The following MTBP variants were observed in gnomAD, a reference collection of about 807,000 sequenced individuals.
MTBP encodes the protein MDM2 binding protein.
MTBP carries 101 observed loss-of-function variants against 117.0 expected under a neutral mutation model. The observed-to-expected ratio is 0.86, with a 90% CI of 0.73 to 1.02. The LOEUF (loss-of-function observed/expected upper bound fraction) is 1.02. Ranked by LOEUF, MTBP falls within the 50% of genes least tolerant of loss-of-function variation. MTBP has a pLI of 0.00. For synonymous variants in MTBP, 350 were observed against 351.5 expected, an observed-to-expected ratio of 1.00 and a Z score of 0.05; for missense variants, 970 against 1,030.9, an observed-to-expected ratio of 0.94 and a Z score of 0.81.
intron 17 of MTBP, among the ~76,000 whole-genome samples, chr8:120,512,211 T>C (rs562285971): frequency 6.6e-6 from 1 of 152,290 alleles, no homozygotes; most frequent in East Asian, 1.9e-4. Context: ...TGAGAAAATG[T>C]GCTAGTATTA....
At chr8:120,513,308 A>G (rs894116162) in intron 17 of MTBP, among the ~76,000 whole-genome samples, 3 of 152,064 alleles carry the variant, frequency 2.0e-5, no homozygotes, top group African/African-American at 7.2e-5. Context: ...CTTAGTTACA[A>G]AACAAAAACA....
chr8:120,449,430 ATAAAG>A (rs912800162), intron 2 of MTBP, among the ~76,000 whole-genome samples: 4 of 152,248 alleles, frequency 2.6e-5, no homozygotes, highest in African/African-American at 7.2e-5. Flanking sequence ...AAATGTAAAA[ATAAAG>A]TAAAAATGTT....
intron 12 of MTBP, 104 bp from the exon 13 acceptor site, chr8:120,490,359 A>AT: frequency 3.0e-6 from 2 of 677,046 alleles, no homozygotes. Flanking sequence ...ATTGACTTTT[A>AT]TTTTTTGTTA....
At chr8:120,518,963 C>T (rs1440632228) in intron 20 of MTBP, 146 bp downstream of exon 20, 10 of 548,808 alleles carry the variant, frequency 1.8e-5, no homozygotes, top group Non-Finnish European at 3.2e-5. Context: ...AAAATTGAAG[C>T]CAAAATACTT....
At chr8:120,519,695 A>T (rs1223477876) in intron 20 of MTBP, among the ~76,000 whole-genome samples, 2 of 152,152 alleles carry the variant, frequency 1.3e-5, no homozygotes, top group African/African-American at 4.8e-5. Context: ...TTACAATTTA[A>T]TTGGGTGCCT....
chr8:120,453,946 T>A, intron 5 of MTBP, 41 bp downstream of exon 5: 1 of 1,081,244 alleles, frequency 9.2e-7, no homozygotes, highest in Non-Finnish European at 1.4e-6. Flanking sequence ...GTATCTTATC[T>A]TATTACACTT....
At chr8:120,457,328 T>C (rs1464355195) in intron 7 of MTBP, among the ~76,000 whole-genome samples, 1 of 152,212 alleles carries the variant, frequency 6.6e-6, no homozygotes, top group Non-Finnish European at 1.5e-5. Context: ...GTGTTCATAG[T>C]AATTTATGTA....
intron 11 of MTBP, chr8:120,473,260 A>G (rs970013182): frequency 6.6e-6 from 1 of 152,002 alleles, no homozygotes; most frequent in Non-Finnish European, 1.5e-5. Context: ...GGTTGGTTGA[A>G]TCCACAGTGT....
intron 15 of MTBP, among the ~76,000 whole-genome samples, chr8:120,505,033 C>T (rs1224739025): frequency 6.6e-6 from 1 of 151,462 alleles, no homozygotes; most frequent in Non-Finnish European, 1.5e-5. Context: ...TGAATTATCT[C>T]ATTTCCATTT....
At chr8:120,483,007 CTT>C (rs71306885) in intron 11 of MTBP, among the ~76,000 whole-genome samples, 10 of 140,004 alleles carry the variant, frequency 7.1e-5, no homozygotes, top group Admixed American at 1.4e-4. Flanking sequence ...ACAGTACTAT[CTT>C]TTTTTTTTTT....
chr8:120,510,030 G>A lies in MTBP; in HGVS notation c.1979+1G>A, dbSNP rs377357603. 197 of 1,599,836 alleles carry A rather than the reference G, an allele frequency of 1.2e-4. No homozygotes were observed. The highest frequency in any genetic ancestry group is 5.4e-5 in the African/African-American group (4 of 74,626). ...CAGTATGTCATTATCATGGAATTGA[G>A]TAAGTTTTTATTTGTACTTTACTCT... On this transcript the variant is annotated splice_donor_variant, in intron 17 of 21. Transcript: ENST00000305949. LOFTEE classifies it high-confidence loss of function.
At chr8:120,496,624 C>G (rs1017782533) in intron 13 of MTBP, among the ~76,000 whole-genome samples, 3 of 151,702 alleles carry the variant, frequency 2.0e-5, no homozygotes, top group Admixed American at 6.6e-5. Context: ...GGAGTCCAAC[C>G]TTTCAATGAA....
chr8:120,468,874 G>A (rs1813754098), intron 10 of MTBP, among the ~76,000 whole-genome samples: 1 of 151,866 alleles, frequency 6.6e-6, no homozygotes, highest in African/African-American at 2.4e-5. Context: ...GCTTCTTTTC[G>A]GTCCAACCAC....
chr8:120,489,288 C>A (rs556328049), intron 12 of MTBP, among the ~76,000 whole-genome samples: 3 of 152,094 alleles, frequency 2.0e-5, no homozygotes, highest in Non-Finnish European at 4.4e-5. Context: ...CTGCCTGCCT[C>A]GGCCTCCCAA....
intron 1 of MTBP, among the ~76,000 whole-genome samples, 176 bp from the exon 2 acceptor site, chr8:120,446,257 T>A (rs1813224903): frequency 6.6e-6 from 1 of 152,234 alleles, no homozygotes; most frequent in African/African-American, 2.4e-5. Flanking sequence ...GGGAGCCTTT[T>A]CTATTTTCTC....
chr8:120,467,087 A>G (rs1395593375), intron 10 of MTBP, among the ~76,000 whole-genome samples: 1 of 152,208 alleles, frequency 6.6e-6, no homozygotes, highest in Non-Finnish European at 1.5e-5. Context: ...TTATTTATCT[A>G]TGTAACTATG....
At chr8:120,476,859 A>G (rs1813953082) in intron 11 of MTBP, among the ~76,000 whole-genome samples, 1 of 152,212 alleles carries the variant, frequency 6.6e-6, no homozygotes, top group Non-Finnish European at 1.5e-5. Context: ...TGCTATCCCC[A>G]TCAAGCTACC....
chr8:120,461,364 T>C, intron 9 of MTBP, 109 bp downstream of exon 9: 1 of 749,408 alleles, frequency 1.3e-6, no homozygotes, highest in Non-Finnish European at 2.1e-6. Flanking sequence ...TTCATTATAT[T>C]CACTGTTTTA....
In MTBP at chr8:120,488,333, G is replaced by C. The variant is rs757084922; in HGVS notation, c.1339+1G>C. On this transcript the variant is annotated splice_donor_variant, in intron 12 of 21. Coordinates refer to ENST00000305949, the MANE Select transcript of MTBP (RefSeq NM_022045.5). LOFTEE classifies it high-confidence loss of function. ...ACAAAGACAGAAGAAGCCAAATTGA[G>C]TAAGTGTTAACTTCAGGTAGAAAAA... The C allele has an allele frequency of 6.5e-7, 1 of 1,534,836 alleles. No homozygotes were observed. Among genetic ancestry groups the C allele is most frequent in the Non-Finnish European group, 8.7e-7 (1 of 1,147,270 alleles).
Sources: gnomAD v4.1 joint callset for allele counts (sites outside exome capture counted in the v4.1 genomes callset) on GRCh38, gnomAD v4.1.1 for gene constraint, MANE v1.5 for transcripts, NCBI Gene and HGNC (gene_info 2026-07-23, HGNC 2026-07-21) for gene names.